The following SDCCAG8 variants were observed in gnomAD, a reference collection of about 807,000 sequenced individuals.
The protein encoded by SDCCAG8 is SHH signaling and ciliogenesis regulator SDCCAG8.
A neutral mutation model predicts 101.8 loss-of-function variants in SDCCAG8; 74 were observed. That is an observed-to-expected ratio of 0.73 (90% CI 0.60 to 0.88). SDCCAG8 has a LOEUF of 0.88. SDCCAG8 is among the 40% of genes least tolerant of loss of function. SDCCAG8 has a pLI of 0.00. For missense variants in SDCCAG8, 787 were observed against 822.6 expected (o/e 0.96, Z 0.53); for synonymous variants, 281 against 292.9 (o/e 0.96, Z 0.41).
chr1:243,451,748 A>G (rs1433675563), intron 16 of SDCCAG8, among the ~76,000 whole-genome samples: 1 of 151,956 alleles, frequency 6.6e-6, no homozygotes, highest in Non-Finnish European at 1.5e-5. Flanking sequence ...ACATAGAGAA[A>G]CCCCGTCTCT....
At chr1:243,369,753 T>G (rs1227443832) in intron 12 of SDCCAG8, among the ~76,000 whole-genome samples, 4 of 152,268 alleles carry the variant, frequency 2.6e-5, no homozygotes, top group Admixed American at 2.6e-4. Flanking sequence ...ATAGTTCAGC[T>G]CTTGATACAT....
intron 12 of SDCCAG8, among the ~76,000 whole-genome samples, chr1:243,361,845 T>G (rs1227247446): frequency 1.3e-5 from 2 of 152,264 alleles, no homozygotes; most frequent in Non-Finnish European, 2.9e-5. Context: ...TTTTTATTAT[T>G]TTATTGTTCA....
At chr1:243,283,988 C>T (rs1018211358) in intron 4 of SDCCAG8, among the ~76,000 whole-genome samples, 1 of 152,262 alleles carries the variant, frequency 6.6e-6, no homozygotes, top group South Asian at 2.1e-4. Flanking sequence ...AGGTGATCCT[C>T]CCACCTTGGC....
At chr1:243,355,317 TC>T (rs1388670817) in intron 12 of SDCCAG8, among the ~76,000 whole-genome samples, 5 of 5,160 alleles carry the variant, frequency 9.7e-4, no homozygotes, top group Non-Finnish European at 3.6e-3. Context: ...TGATACCTTC[TC>T]TCTCTCTCTC....
At chr1:243,451,466 C>T (rs1243163741) in intron 16 of SDCCAG8, among the ~76,000 whole-genome samples, 1 of 152,068 alleles carries the variant, frequency 6.6e-6, no homozygotes, top group African/African-American at 2.4e-5. Flanking sequence ...AATTCTTTGC[C>T]TTCTCATATT....
chr1:243,418,119 G>A (rs1172300320), intron 15 of SDCCAG8, 43 bp downstream of exon 15: 2 of 1,352,560 alleles, frequency 1.5e-6, no homozygotes, highest in East Asian at 2.3e-5. Context: ...CTGTTTGTGT[G>A]ATTACTCTAA....
intron 10 of SDCCAG8, among the ~76,000 whole-genome samples, chr1:243,336,490 G>C (rs1279580452): frequency 2.0e-5 from 3 of 152,226 alleles, no homozygotes; most frequent in Non-Finnish European, 4.4e-5. Flanking sequence ...AATGGCTGGG[G>C]AGGCCTCAGG....
chr1:243,278,300 A>G lies in SDCCAG8; in HGVS notation c.420+3644A>G, dbSNP rs552484588. On this transcript the variant is annotated intron_variant, in intron 4 of 17. Transcript: ENST00000366541. ...CAATGTTGCAGTCTTAGCTCACTAC[A>G]TCCTCCGCCTCCCGGGTTCAAACAA... Among the ~76,000 whole-genome samples, 85 of 152,186 alleles carry G rather than the reference A, an allele frequency of 5.6e-4. No individual in the cohort carries two copies. The South Asian group carries it at 7.5e-3, about 13-fold the overall frequency.
chr1:243,320,514 G>A (rs1472308277), intron 9 of SDCCAG8, among the ~76,000 whole-genome samples: 1 of 152,086 alleles, frequency 6.6e-6, no homozygotes, highest in Non-Finnish European at 1.5e-5. Flanking sequence ...CTGTCTCCCA[G>A]TACACTCAGC....
At chr1:243,349,721 G>A (rs183153307) in intron 12 of SDCCAG8, among the ~76,000 whole-genome samples, 185 of 152,268 alleles carry the variant, frequency 1.2e-3, no homozygotes, top group Non-Finnish European at 2.4e-3. Context: ...ACTTACTAGT[G>A]GCTTGGATGG....
chr1:243,261,973 G>T (rs1331289993), intron 1 of SDCCAG8, among the ~76,000 whole-genome samples: 11 of 151,146 alleles, frequency 7.3e-5, no homozygotes, highest in Non-Finnish European at 1.3e-4. Context: ...AACACACCTG[G>T]CTAATTTTGT....
chr1:243,494,572 GC>G (rs1667342296), intron 17 of SDCCAG8, among the ~76,000 whole-genome samples: 1 of 152,090 alleles, frequency 6.6e-6, no homozygotes, highest in African/African-American at 2.4e-5. Context: ...TTGACTGAGC[GC>G]CCCGTGTATA....
chr1:243,352,597 T>G (rs562444652), intron 12 of SDCCAG8, among the ~76,000 whole-genome samples: 1 of 152,334 alleles, frequency 6.6e-6, no homozygotes, highest in African/African-American at 2.4e-5. Context: ...ACATATGCTT[T>G]CTTTTTGTTT....
At chr1:243,490,402 C>A (rs979090737) in intron 17 of SDCCAG8, among the ~76,000 whole-genome samples, 1 of 152,212 alleles carries the variant, frequency 6.6e-6, no homozygotes, top group South Asian at 2.1e-4. Context: ...CTGGCACGCT[C>A]CATGGCAGGG....
intron 11 of SDCCAG8, among the ~76,000 whole-genome samples, chr1:243,341,705 T>C (rs565533889): frequency 2.2e-4 from 33 of 152,316 alleles, no homozygotes; most frequent in South Asian, 1.2e-3. Context: ...ATTTATACTT[T>C]AAAATACTAC....
chr1:243,320,824 C>G (rs2073695289), intron 9 of SDCCAG8, among the ~76,000 whole-genome samples: 1 of 152,200 alleles, frequency 6.6e-6, no homozygotes, highest in South Asian at 2.1e-4. Flanking sequence ...ATCCCATCCT[C>G]TCTCCAGCCT....
chr1:243,378,685 T>C (rs995172791), intron 12 of SDCCAG8, 36 bp from the exon 13 acceptor site: 1 of 1,610,482 alleles, frequency 6.2e-7, no homozygotes, highest in Middle Eastern at 1.7e-4. Context: ...TGCATGTATT[T>C]TATATGGATG....
intron 16 of SDCCAG8, among the ~76,000 whole-genome samples, chr1:243,483,334 C>A (rs1664142762): frequency 1.3e-5 from 2 of 152,158 alleles, no homozygotes; most frequent in South Asian, 4.1e-4. Context: ...CGTCGCCTTT[C>A]TCGCAAACAG....
At chr1:243,343,967 C>A (rs532371986) in intron 11 of SDCCAG8, among the ~76,000 whole-genome samples, 2 of 152,280 alleles carry the variant, frequency 1.3e-5, no homozygotes, top group African/African-American at 4.8e-5. Flanking sequence ...TAATCTTGGG[C>A]ACATTACTTA....
Sources: allele counts gnomAD v4.1 joint callset (sites outside exome capture counted in the v4.1 genomes callset), GRCh38; gene constraint gnomAD v4.1.1; transcripts MANE v1.5; gene names NCBI Gene and HGNC (gene_info 2026-07-23, HGNC 2026-07-21).